ZSWIM6: variants seen among roughly 807,000 people sequenced by gnomAD.
ZSWIM6 encodes the protein zinc finger SWIM domain-containing protein 6.
Under a neutral mutation model 113.2 loss-of-function variants are expected in ZSWIM6, and 9 were observed. The observed-to-expected ratio is 0.08, with a 90% CI of 0.05 to 0.14. The LOEUF (loss-of-function observed/expected upper bound fraction) is 0.14, where lower values mean the gene tolerates loss of function less well. Ranked by LOEUF, ZSWIM6 falls within the 10% of genes least tolerant of loss-of-function variation. ZSWIM6 has a pLI of 1.00. For missense variants in ZSWIM6, 1,162 were observed against 1,552.2 expected (o/e 0.75, Z 4.22); for synonymous variants, 611 against 606.5 (o/e 1.01, Z -0.11).
At chr5:61,444,397 G>T (rs1746904613) in intron 1 of ZSWIM6, among the ~76,000 whole-genome samples, 1 of 151,960 alleles carries the variant, frequency 6.6e-6, no homozygotes, top group Non-Finnish European at 1.5e-5. Flanking sequence ...GAATAGTGCT[G>T]CTATAAACAT....
chr5:61,334,392 C>A (rs769301351), intron 1 of ZSWIM6, among the ~76,000 whole-genome samples: 1 of 152,206 alleles, frequency 6.6e-6, no homozygotes, highest in Non-Finnish European at 1.5e-5. Context: ...GAAATTGTAG[C>A]ATGGTGAACC....
At chr5:61,386,519 G>A (rs1284501335) in intron 1 of ZSWIM6, among the ~76,000 whole-genome samples, 1 of 151,976 alleles carries the variant, frequency 6.6e-6, no homozygotes, top group Non-Finnish European at 1.5e-5. Context: ...CTCTTTTTCA[G>A]TCAATGGTTA....
At chr5:61,538,728 C>T (rs2112288433) in intron 10 of ZSWIM6, 86 bp from the exon 11 acceptor site, 1 of 1,440,942 alleles carries the variant, frequency 6.9e-7, no homozygotes, top group East Asian at 2.5e-5. Flanking sequence ...TCTACCCACT[C>T]CTCTGGCTTC....
At chr5:61,458,242 A>G (rs1217500066) in intron 1 of ZSWIM6, among the ~76,000 whole-genome samples, 1 of 152,216 alleles carries the variant, frequency 6.6e-6, no homozygotes, top group Non-Finnish European at 1.5e-5. Flanking sequence ...AGTATTTATT[A>G]TAAACCAAAG....
At chr5:61,337,070 CAG>C (rs1416536018) in intron 1 of ZSWIM6, among the ~76,000 whole-genome samples, 1 of 152,150 alleles carries the variant, frequency 6.6e-6, no homozygotes, top group African/African-American at 2.4e-5. Context: ...CACCTGAGGT[CAG>C]GGGTTAGAGA....
At position 61,494,260 on chromosome 5, in the gene ZSWIM6, G is replaced by A. The variant is rs1748263040; in HGVS notation, c.1183G>A (p.Val395Met). 3 of 1,550,448 alleles carry A rather than the reference G, an allele frequency of 1.9e-6. No individual in the cohort carries two copies. Among genetic ancestry groups the A allele is most frequent in the Non-Finnish European group, 2.6e-6 (3 of 1,146,292 alleles). The change falls in exon 4 of 14, where the codon GTG becomes ATG. Residue 395 changes from valine (V) to methionine (M), a missense_variant and splice_region_variant. Around this residue, in one of 4 missense-constraint regions of ZSWIM6, gnomAD observed 96 missense variants for 240.3 expected, o/e 0.40. Coordinates refer to ENST00000252744, the MANE Select transcript of ZSWIM6 (RefSeq NM_020928.2). ...CTAAAGGTCTGTTTTTCCCCATTAG[G>A]TGCGGGAGATGTTAAAGATGAGGGA... ...GKQLNLLFAK[V>M]REMLKMRDSN...
At chr5:61,459,490 C>G (rs889224982) in intron 1 of ZSWIM6, among the ~76,000 whole-genome samples, 1 of 152,182 alleles carries the variant, frequency 6.6e-6, no homozygotes, top group African/African-American at 2.4e-5. Flanking sequence ...AAAAGTCACA[C>G]TTTAATCAAG....
At chr5:61,426,723 T>C (rs1208287330) in intron 1 of ZSWIM6, among the ~76,000 whole-genome samples, 1 of 152,204 alleles carries the variant, frequency 6.6e-6, no homozygotes, top group Non-Finnish European at 1.5e-5. Flanking sequence ...CTTTATCTTT[T>C]ATTACAACTG....
chr5:61,515,665 G>A (rs1748914875), intron 4 of ZSWIM6, among the ~76,000 whole-genome samples: 2 of 152,112 alleles, frequency 1.3e-5, no homozygotes, highest in Non-Finnish European at 2.9e-5. Context: ...TCTAACACAT[G>A]AACTTTGGGG....
intron 7 of ZSWIM6, among the ~76,000 whole-genome samples, chr5:61,528,344 A>G (rs757270258): frequency 1.3e-5 from 2 of 152,114 alleles, no homozygotes; most frequent in Admixed American, 6.5e-5. Context: ...ATTTGTTTAT[A>G]TAAGCACAGC....
chr5:61,466,401 T>G (rs1747436910), intron 1 of ZSWIM6, among the ~76,000 whole-genome samples: 2 of 152,212 alleles, frequency 1.3e-5, no homozygotes, highest in African/African-American at 4.8e-5. Context: ...CTTGCCACCC[T>G]TTCAGCCATA....
chr5:61,354,207 C>T (rs897019060), intron 1 of ZSWIM6, among the ~76,000 whole-genome samples: 3 of 152,136 alleles, frequency 2.0e-5, no homozygotes, highest in Non-Finnish European at 4.4e-5. Flanking sequence ...AACTTTATTC[C>T]ATAGTTGGAT....
chr5:61,491,958 A>G (rs1360303204), intron 3 of ZSWIM6, among the ~76,000 whole-genome samples: 3 of 152,078 alleles, frequency 2.0e-5, no homozygotes, highest in African/African-American at 7.2e-5. Context: ...GAATTAGATT[A>G]CAATAAAATA....
chr5:61,390,887 G>T lies in ZSWIM6; in HGVS notation c.676+57939G>T. The T allele has an allele frequency of 3.4e-6, 3 of 895,106 alleles. No homozygotes were observed. The South Asian group carries it at 3.9e-5, about 12-fold the overall frequency. 55.4% of individuals were successfully genotyped at this position (895,106 alleles called of 1,614,324 possible). Reference sequence around the variant, plus strand: ...TGTCCACCACACAGTCTTTCAGCATGACAAAGTCATTGGTCACTTCACCAT... The same window carrying T: ...TGTCCACCACACAGTCTTTCAGCATTACAAAGTCATTGGTCACTTCACCAT... On this transcript the variant is annotated intron_variant, in intron 1 of 13. Coordinates refer to ENST00000252744, the MANE Select transcript of ZSWIM6 (RefSeq NM_020928.2).
At chr5:61,475,178 T>A (rs925026776) in intron 2 of ZSWIM6, among the ~76,000 whole-genome samples, 3 of 152,228 alleles carry the variant, frequency 2.0e-5, no homozygotes, top group Non-Finnish European at 4.4e-5. Flanking sequence ...ATACCATTTC[T>A]TCAAACTTTT....
chr5:61,412,456 A>G (rs1402094899), intron 1 of ZSWIM6, among the ~76,000 whole-genome samples: 1 of 152,152 alleles, frequency 6.6e-6, no homozygotes, highest in East Asian at 1.9e-4. Flanking sequence ...GGAATTAGTG[A>G]TGTGGAGGCA....
intron 1 of ZSWIM6, among the ~76,000 whole-genome samples, chr5:61,368,435 G>A (rs905120188): frequency 3.9e-5 from 6 of 152,082 alleles, no homozygotes; most frequent in African/African-American, 1.4e-4. Flanking sequence ...AAAATAATTG[G>A]CATAGTTATT....
chr5:61,362,488 G>T (rs1348460789), intron 1 of ZSWIM6, among the ~76,000 whole-genome samples: 1 of 152,168 alleles, frequency 6.6e-6, no homozygotes, highest in East Asian at 1.9e-4. Context: ...GTGAGCCACT[G>T]TGCCCAGCTT....
intron 1 of ZSWIM6, among the ~76,000 whole-genome samples, chr5:61,360,576 C>T (rs577042481): frequency 3.0e-4 from 45 of 152,290 alleles, no homozygotes; most frequent in Non-Finnish European, 5.0e-4. Context: ...TGCCCCCACA[C>T]ATGATAATTG....
Sources: allele counts gnomAD v4.1 joint callset (sites outside exome capture counted in the v4.1 genomes callset), GRCh38; gene constraint gnomAD v4.1.1; regional missense constraint gnomAD v4.1.1; transcripts MANE v1.5; gene names NCBI Gene and HGNC (gene_info 2026-07-23, HGNC 2026-07-21).